FHIT: variants seen among roughly 807,000 people sequenced by gnomAD.
FHIT encodes bis(5'-adenosyl)-triphosphatase.
Under a neutral mutation model 17.9 loss-of-function variants are expected in FHIT, and 19 were observed. The observed-to-expected ratio is 1.06, with a 90% CI of 0.74 to 1.56. FHIT has a LOEUF of 1.56. Among genes scored for constraint, FHIT ranks in the 40% most tolerant of loss-of-function variants. FHIT has a pLI of 0.00. For synonymous variants in FHIT, 81 were observed against 69.7 expected, an observed-to-expected ratio of 1.16 and a Z score of -0.81; for missense variants, 248 against 189.2, an observed-to-expected ratio of 1.31 and a Z score of -1.82.
At chr3:59,944,866 T>G (rs566666661) in intron 7 of FHIT, among the ~76,000 whole-genome samples, 2 of 152,312 alleles carry the variant, frequency 1.3e-5, no homozygotes, top group African/African-American at 4.8e-5. Flanking sequence ...CTCATTCTTT[T>G]TTGTGGCTGC....
At chr3:60,611,591 C>T (rs370692960) in intron 4 of FHIT, among the ~76,000 whole-genome samples, 1 of 152,112 alleles carries the variant, frequency 6.6e-6, no homozygotes, top group African/African-American at 2.4e-5. Context: ...GAGAGCAATA[C>T]GTGTTGTTTA....
intron 4 of FHIT, among the ~76,000 whole-genome samples, chr3:60,698,581 C>G (rs1349673074): frequency 1.3e-5 from 2 of 152,148 alleles, no homozygotes; most frequent in Non-Finnish European, 2.9e-5. Context: ...GATATTTAAG[C>G]TAACAATGGG....
At chr3:60,277,104 C>T (rs1215932694) in intron 5 of FHIT, among the ~76,000 whole-genome samples, 1 of 152,014 alleles carries the variant, frequency 6.6e-6, no homozygotes, top group Non-Finnish European at 1.5e-5. Context: ...TGCTGAAGTC[C>T]TGGTGGTCAG....
intron 3 of FHIT, among the ~76,000 whole-genome samples, chr3:60,915,652 C>T (rs1470889673): frequency 2.0e-5 from 3 of 152,120 alleles, no homozygotes; most frequent in African/African-American, 4.8e-5. Context: ...CACCTCAATA[C>T]TAGAAGTGTC....
Position 61,089,667 on chromosome 3 carries a change from G to A in FHIT, c.-163-47568C>T, listed in dbSNP as rs80315967. 9.0e-3 allele frequency among the ~76,000 whole-genome samples: 1,364 copies of A among 152,272 alleles called. 10 individuals carry two copies. Among genetic ancestry groups the A allele is most frequent in the Non-Finnish European group, 0.014 (943 of 68,000 alleles). On this transcript the variant is annotated intron_variant, in intron 2 of 9. Transcript: ENST00000492590. ...CAGAAGACTTGAACTCTGGGGCAAG[G>A]AGAGATGAAAAGGGGGACTAGGATA...
chr3:59,956,537 G>A lies in FHIT; in HGVS notation c.280-34123C>T, dbSNP rs555864268. ...ACAAACATTAGCTGGGCTTGGTGGT[G>A]TGCATCTATAGTCCCAGCTACTTGG... On this transcript the variant is annotated intron_variant, in intron 7 of 9. Transcript: ENST00000492590. Among the ~76,000 whole-genome samples, 4 of 152,188 alleles carry A rather than the reference G, an allele frequency of 2.6e-5. No homozygotes were observed. In the South Asian group the frequency reaches 8.3e-4, roughly 32 times the overall value.
chr3:60,245,291 T>A (rs1396350700), intron 5 of FHIT, among the ~76,000 whole-genome samples: 3 of 152,092 alleles, frequency 2.0e-5, no homozygotes, highest in African/African-American at 7.2e-5. Flanking sequence ...AAAAATCCTT[T>A]AACATACATA....
At chr3:60,479,730 T>C (rs751381143) in intron 5 of FHIT, among the ~76,000 whole-genome samples, 2 of 152,178 alleles carry the variant, frequency 1.3e-5, no homozygotes, top group African/African-American at 4.8e-5. Flanking sequence ...TAGATTCTGA[T>C]AGAAGCATGA....
intron 4 of FHIT, among the ~76,000 whole-genome samples, chr3:60,557,125 T>G (rs2036768375): frequency 6.6e-6 from 1 of 152,224 alleles, no homozygotes; most frequent in South Asian, 2.1e-4. Context: ...TGTAAATATC[T>G]CACTTACTCC....
chr3:60,045,434 T>A (rs117281081), intron 5 of FHIT, among the ~76,000 whole-genome samples: 4,553 of 151,958 alleles, frequency 0.03, 116 homozygotes, highest in Middle Eastern at 0.095. Context: ...TACAAAACCA[T>A]CAGATCTTAT....
At chr3:60,629,910 A>G (rs560255181) in intron 4 of FHIT, among the ~76,000 whole-genome samples, 262 of 152,300 alleles carry the variant, frequency 1.7e-3, no homozygotes, top group African/African-American at 5.8e-3. Context: ...CAGAGCCTAA[A>G]ACAGTGTCTG....
intron 5 of FHIT, among the ~76,000 whole-genome samples, chr3:60,285,312 G>C (rs1707672675): frequency 6.6e-6 from 1 of 152,028 alleles, no homozygotes; most frequent in African/African-American, 2.4e-5. Flanking sequence ...ATTAACTCAA[G>C]TAAGGCATAA....
At chr3:61,245,367 G>T (rs2040465138) in intron 1 of FHIT, among the ~76,000 whole-genome samples, 1 of 152,148 alleles carries the variant, frequency 6.6e-6, no homozygotes, top group Non-Finnish European at 1.5e-5. Context: ...GAAAGTAGCA[G>T]AACCAAGATT....
chr3:60,679,132 A>C (rs2040689547), intron 4 of FHIT, among the ~76,000 whole-genome samples: 1 of 152,170 alleles, frequency 6.6e-6, no homozygotes, highest in South Asian at 2.1e-4. Flanking sequence ...CAGTTCCTAC[A>C]TGGCTTAGTA....
intron 4 of FHIT, among the ~76,000 whole-genome samples, chr3:60,793,968 C>T (rs1206199123): frequency 2.6e-5 from 4 of 152,058 alleles, no homozygotes; most frequent in Admixed American, 1.3e-4. Context: ...GGCAGTGCTC[C>T]GACACCTTCT....
chr3:61,037,037 G>A (rs1033211327), intron 3 of FHIT, among the ~76,000 whole-genome samples: 1 of 151,526 alleles, frequency 6.6e-6, no homozygotes, highest in Admixed American at 6.6e-5. Context: ...TCAGCCTCTC[G>A]AGTACTTGGG....
intron 7 of FHIT, among the ~76,000 whole-genome samples, chr3:59,971,940 A>G (rs1708204439): frequency 6.6e-6 from 1 of 152,144 alleles, no homozygotes; most frequent in Non-Finnish European, 1.5e-5. Context: ...CATTTCTCCC[A>G]TTCAGTTAGT....
rs1700257833 is a variant in FHIT at position 60,014,296 on chromosome 3, C to T, written c.104-144G>A. ...AATGAAGAAACAGATATTTACCATC[C>T]ACTGAACTCCAGAGAGTTGAAAGAG... On this transcript the variant is annotated intron_variant, in intron 5 of 9. Transcript: ENST00000492590. 4 of 716,520 alleles carry T rather than the reference C, an allele frequency of 5.6e-6. No individual in the cohort carries two copies. The South Asian group carries it at 6.4e-5, about 11-fold the overall frequency. The allele number at this position is 716,520 out of a possible 1,614,324, so 44.4% of individuals were successfully genotyped here.
intron 3 of FHIT, among the ~76,000 whole-genome samples, chr3:61,034,340 G>C (rs1301004109): frequency 6.6e-6 from 1 of 151,706 alleles, no homozygotes; most frequent in Admixed American, 6.6e-5. Flanking sequence ...TACAGAGTGA[G>C]AGAACATATT....
Sources: gnomAD v4.1 joint callset for allele counts (sites outside exome capture counted in the v4.1 genomes callset) on GRCh38, gnomAD v4.1.1 for gene constraint, MANE v1.5 for transcripts, NCBI Gene and HGNC (gene_info 2026-07-23, HGNC 2026-07-21) for gene names.